DOK6: variants seen among roughly 807,000 people sequenced by gnomAD.
The protein encoded by DOK6 is docking protein 6.
DOK6 carries 22 observed loss-of-function variants against 44.0 expected under a neutral mutation model. The ratio of observed to expected loss-of-function variants is 0.50; its 90% CI spans 0.36 to 0.71. The LOEUF (loss-of-function observed/expected upper bound fraction) is 0.71, where lower values mean the gene tolerates loss of function less well. Ranked by LOEUF, DOK6 falls within the 30% of genes least tolerant of loss-of-function variation. DOK6 has a pLI of 0.00. For missense variants in DOK6, 340 were observed against 416.4 expected (o/e 0.82, Z 1.60); for synonymous variants, 166 against 145.5 (o/e 1.14, Z -1.01).
At chr18:69,763,254 C>T (rs1029308979) in intron 7 of DOK6, among the ~76,000 whole-genome samples, 8 of 152,228 alleles carry the variant, frequency 5.3e-5, no homozygotes, top group Non-Finnish European at 7.3e-5. Flanking sequence ...TATGCCACCT[C>T]TTCTTGCAGA....
At chr18:69,782,369 G>A (rs1980300171) in intron 7 of DOK6, among the ~76,000 whole-genome samples, 1 of 151,746 alleles carries the variant, frequency 6.6e-6, no homozygotes, top group African/African-American at 2.4e-5. Context: ...CTGCCACCAT[G>A]CCCGGCTAAT....
At chr18:69,455,195 A>G (rs199979271) in intron 1 of DOK6, among the ~76,000 whole-genome samples, 1 of 40,946 alleles carries the variant, frequency 2.4e-5, no homozygotes, top group Non-Finnish European at 4.3e-5. Flanking sequence ...AGAAAAAAGG[A>G]AAAAAAAAAG....
intron 5 of DOK6, among the ~76,000 whole-genome samples, chr18:69,715,502 G>T (rs1054204743): frequency 6.6e-5 from 10 of 152,220 alleles, no homozygotes. Context: ...TAGAGGCAGA[G>T]GCATCAATCA....
At chr18:69,536,311 A>T (rs903930465) in intron 1 of DOK6, among the ~76,000 whole-genome samples, 9 of 152,142 alleles carry the variant, frequency 5.9e-5, no homozygotes, top group Non-Finnish European at 8.8e-5. Context: ...CAGATAATTT[A>T]CTCTAGTATG....
At chr18:69,554,671 C>G (rs947144029) in intron 1 of DOK6, among the ~76,000 whole-genome samples, 1 of 152,070 alleles carries the variant, frequency 6.6e-6, no homozygotes, top group Non-Finnish European at 1.5e-5. Flanking sequence ...ATTGCTAGAG[C>G]CTGTGTAAAT....
chr18:69,672,508 A>G (rs1985823026), intron 3 of DOK6, among the ~76,000 whole-genome samples: 1 of 152,134 alleles, frequency 6.6e-6, no homozygotes, highest in African/African-American at 2.4e-5. Context: ...ACAGGCGCGC[A>G]GCACCGCGCC....
chr18:69,777,740 C>G (rs947125182), intron 7 of DOK6: 2 of 141,370 alleles, frequency 1.4e-5, no homozygotes, highest in African/African-American at 5.1e-5. Flanking sequence ...CAGGACTGTC[C>G]CCTTCACTGA....
Position 69,757,889 on chromosome 18 carries a change from G to A in DOK6, c.856+16G>A. The A allele has an allele frequency of 6.2e-7, 1 of 1,606,726 alleles. No individual in the cohort carries two copies. The highest frequency in any genetic ancestry group is 8.5e-7 in the Non-Finnish European group (1 of 1,173,326). ...AGTTTGCAAGGCAAGTCACTTTAATGTAAGAAAGCAGTGCCTCCATAAGCT... is the reference window on the plus strand; with the variant it reads ...AGTTTGCAAGGCAAGTCACTTTAATATAAGAAAGCAGTGCCTCCATAAGCT... On this transcript the variant is annotated intron_variant, in intron 7 of 7. Transcript: ENST00000382713.
intron 1 of DOK6, among the ~76,000 whole-genome samples, chr18:69,563,865 A>G (rs1568297641): frequency 1.3e-5 from 2 of 152,130 alleles, no homozygotes; most frequent in African/African-American, 4.8e-5. Flanking sequence ...TCATCTTGAA[A>G]TGAAAGTAAT....
chr18:69,819,601 C>A (rs4438406), intron 7 of DOK6, among the ~76,000 whole-genome samples: 1 of 151,912 alleles, frequency 6.6e-6, no homozygotes, highest in African/African-American at 2.4e-5. Context: ...CAATGTTATA[C>A]GACAAACCTG....
At chr18:69,752,441 G>C (rs915943205) in intron 6 of DOK6, among the ~76,000 whole-genome samples, 3 of 152,052 alleles carry the variant, frequency 2.0e-5, no homozygotes, top group Non-Finnish European at 2.9e-5. Context: ...TTTTAGTTTT[G>C]AGATTTTTTA....
intron 1 of DOK6, among the ~76,000 whole-genome samples, chr18:69,502,735 G>A (rs150780431): frequency 4.3e-4 from 65 of 152,076 alleles, no homozygotes; most frequent in African/African-American, 1.3e-3. Flanking sequence ...GCTTGACCTC[G>A]AGATGCCATA....
rs548217156 is a variant in DOK6 at position 69,688,648 on chromosome 18, G to A, written c.410-9756G>A. Among the ~76,000 whole-genome samples, 17 of 152,144 alleles carry A rather than the reference G, an allele frequency of 1.1e-4. 1 individual carries two copies. The South Asian group carries it at 3.3e-3, about 30-fold the overall frequency. ...AGTGATTCTCTTGCCTCAGTCTCCCGAGCAGCTGGGATTGCAGGCACCCCC... is the reference window on the plus strand; with the variant it reads ...AGTGATTCTCTTGCCTCAGTCTCCCAAGCAGCTGGGATTGCAGGCACCCCC... On this transcript the variant is annotated intron_variant, in intron 4 of 7. Coordinates refer to ENST00000382713, the MANE Select transcript of DOK6 (RefSeq NM_152721.6).
chr18:69,520,848 A>G (rs1981664884), intron 1 of DOK6, among the ~76,000 whole-genome samples: 1 of 151,870 alleles, frequency 6.6e-6, no homozygotes, highest in South Asian at 2.1e-4. Flanking sequence ...ATTCAATTCA[A>G]TTCAGTTCCG....
At chr18:69,760,516 A>G (rs1361649461) in intron 7 of DOK6, among the ~76,000 whole-genome samples, 1 of 152,138 alleles carries the variant, frequency 6.6e-6, no homozygotes, top group African/African-American at 2.4e-5. Flanking sequence ...TGAGAAACCA[A>G]GAGAAGGAAA....
At chr18:69,694,753 A>ATTATT (rs144035790) in intron 4 of DOK6, among the ~76,000 whole-genome samples, 5,795 of 152,268 alleles carry the variant, frequency 0.038, 169 homozygotes, top group East Asian at 0.094. Context: ...GTTTTAGGAT[A>ATTATT]TTATTATCAT....
At chr18:69,509,034 T>C (rs1427588955) in intron 1 of DOK6, among the ~76,000 whole-genome samples, 2 of 152,250 alleles carry the variant, frequency 1.3e-5, no homozygotes, top group African/African-American at 2.4e-5. Context: ...TCCACATTTG[T>C]GTAGCTAATA....
intron 1 of DOK6, among the ~76,000 whole-genome samples, chr18:69,459,146 A>G (rs913905444): frequency 6.9e-5 from 10 of 144,212 alleles, no homozygotes; most frequent in Admixed American, 2.1e-4. Flanking sequence ...ATACTTAGAA[A>G]TACCTAACCA....
At position 69,757,791 on chromosome 18, in the gene DOK6, C is replaced by G. The variant is rs751409509; in HGVS notation, c.774C>G (p.Ser258=). 2 of 1,614,098 alleles carry G rather than the reference C, an allele frequency of 1.2e-6. No individual in the cohort carries two copies. Among genetic ancestry groups the G allele is most frequent in the South Asian group, 2.2e-5 (2 of 91,074 alleles). Residue 258 remains serine (S), a synonymous_variant, in exon 7 of 8, where the codon TCC becomes TCG. Coordinates refer to ENST00000382713, the MANE Select transcript of DOK6 (RefSeq NM_152721.6). The part of the protein sequence containing the change: ...QTSLTEPMTL[S]KSISLPRSAY... ...GCTTGACTGAACCAATGACATTATC[C>G]AAATCAATATCTCTTCCTCGCAGCG...
Sources: gnomAD v4.1 joint callset for allele counts (sites outside exome capture counted in the v4.1 genomes callset) on GRCh38, gnomAD v4.1.1 for gene constraint, MANE v1.5 for transcripts, NCBI Gene and HGNC (gene_info 2026-07-23, HGNC 2026-07-21) for gene names.